Variants in OGDH observed in about 807,000 individuals in gnomAD.
OGDH encodes oxoglutarate dehydrogenase.
Under a neutral mutation model 116.6 loss-of-function variants are expected in OGDH, and 38 were observed. That is an observed-to-expected ratio of 0.33 (90% CI 0.25 to 0.43). The LOEUF (loss-of-function observed/expected upper bound fraction) is 0.43, where lower values mean the gene tolerates loss of function less well. Ranked by LOEUF, OGDH falls within the 20% of genes least tolerant of loss-of-function variation. The pLI is 1.00. For synonymous variants in OGDH, 488 were observed against 533.3 expected (o/e 0.92, Z 1.17); for missense variants, 825 against 1,357.2 (o/e 0.61, Z 6.16).
chr7:44,696,303 C>T, intron 13 of OGDH, 126 bp from the exon 14 acceptor site: 1 of 1,273,860 alleles, frequency 7.9e-7, no homozygotes, highest in South Asian at 1.4e-5. Flanking sequence ...TTAATGTTTT[C>T]TGGGGAACAC....
At chr7:44,676,418 G>C in intron 9 of OGDH, 1 of 598,392 alleles carries the variant, frequency 1.7e-6, no homozygotes, top group Admixed American at 3.3e-5. Context: ...AGCTGGGCGT[G>C]GTGGCGCGCG....
chr7:44,656,278 C>T, intron 4 of OGDH: 2 of 1,533,770 alleles, frequency 1.3e-6, no homozygotes, highest in South Asian at 1.2e-5. Context: ...CTGTCTTTTT[C>T]CTTCTGCGCT....
At chr7:44,680,705 A>C (rs1787894264) in intron 9 of OGDH, among the ~76,000 whole-genome samples, 1 of 152,184 alleles carries the variant, frequency 6.6e-6, no homozygotes, top group Admixed American at 6.5e-5. Context: ...CCCATCCTCT[A>C]CTGGAGGAAG....
At chr7:44,643,892 C>T (rs1038031452) in intron 2 of OGDH, among the ~76,000 whole-genome samples, 7 of 152,140 alleles carry the variant, frequency 4.6e-5, no homozygotes, top group Non-Finnish European at 8.8e-5. Flanking sequence ...AAAAGAAAAA[C>T]AATGTTTCTA....
At chr7:44,684,542 A>C (rs1021322684) in intron 10 of OGDH, among the ~76,000 whole-genome samples, 1 of 152,182 alleles carries the variant, frequency 6.6e-6, no homozygotes, top group Non-Finnish European at 1.5e-5. Context: ...CAGATGCTGA[A>C]TTAGGTACTT....
rs116158773 is a variant in OGDH, at chr7:44,617,980, A to G, written c.-27-6337A>G. On this transcript the variant is annotated intron_variant, in intron 1 of 22. Transcript: ENST00000222673. The stretch of plus-strand genomic sequence containing the variant: ...GGGTACCTCCTACCCAACTGGGGAA[A>G]TTCGAGGCATAGACCTCGAAGGCTT... Among the ~76,000 whole-genome samples, 698 of 152,268 alleles carry G rather than the reference A, an allele frequency of 4.6e-3. 6 individuals are homozygous for G. The highest frequency in any genetic ancestry group is 0.016 in the African/African-American group (652 of 41,544).
intron 5 of OGDH, among the ~76,000 whole-genome samples, chr7:44,672,075 AAATAAATT>A (rs1186491158): frequency 2.0e-5 from 3 of 152,082 alleles, no homozygotes; most frequent in African/African-American, 4.8e-5. Context: ...TCTCAAAAAT[AAATAAATT>A]AATTAATTAA....
At chr7:44,642,837 G>A (rs1786007225) in intron 2 of OGDH, among the ~76,000 whole-genome samples, 1 of 151,384 alleles carries the variant, frequency 6.6e-6, no homozygotes, top group Non-Finnish European at 1.5e-5. Flanking sequence ...CAGGAGAATC[G>A]CTTGAACCCA....
Position 44,707,380 on chromosome 7 carries a change from A to C in OGDH, c.2788A>C (p.Ile930Leu). 6.2e-7 allele frequency: 1 copy of C among 1,614,182 alleles called. No homozygotes were observed. Among genetic ancestry groups the C allele is most frequent in the Non-Finnish European group, 8.5e-7 (1 of 1,180,026 alleles). Residue 930 changes from isoleucine (I) to leucine (L), a missense_variant, in exon 21 of 23, where the codon ATT becomes CTT. Ile to Leu is a conservative substitution (Grantham distance 5). Coordinates refer to ENST00000222673, the MANE Select transcript of OGDH (RefSeq NM_002541.4). This position sits in a 1 kb window ranked among gnomAD's most constrained non-coding sequence, Gnocchi z 5.2. Reference sequence around the variant, plus strand: ...GGTGGGGCAGGTGGCCATCACAAGGATTGAGCAGGTGAGGGCAGGTGGTGC... The same window carrying C: ...GGTGGGGCAGGTGGCCATCACAAGGCTTGAGCAGGTGAGGGCAGGTGGTGC... The part of the protein sequence containing the change: ...DMVGQVAITR[I>L]EQLSPFPFDL...
Position 44,707,805 on chromosome 7 carries a change from C to A in OGDH, c.2951+69C>A. ...TCAGGCCAGTAGGCAGTTAGCCAGG[C>A]ACATGCAGCAGAGGGATGGGCTGGG... On this transcript the variant is annotated intron_variant, in intron 22 of 22. Coordinates refer to ENST00000222673, the MANE Select transcript of OGDH (RefSeq NM_002541.4). This position sits in a 1 kb window ranked among gnomAD's most constrained non-coding sequence, Gnocchi z 5.2. 6.2e-7 allele frequency: 1 copy of A among 1,609,754 alleles called. No homozygotes were observed. The highest frequency in any genetic ancestry group is 8.5e-7 in the Non-Finnish European group (1 of 1,177,488).
At chr7:44,632,459 T>A (rs1785481984) in intron 2 of OGDH, among the ~76,000 whole-genome samples, 2 of 152,192 alleles carry the variant, frequency 1.3e-5, no homozygotes, top group South Asian at 4.1e-4. Context: ...CACACCACCA[T>A]GCCTGACTAA....
rs752101895 is a variant in OGDH at position 44,675,282 on chromosome 7, A to G, written c.1026+14A>G. 1.2e-6 allele frequency: 2 copies of G among 1,605,740 alleles called. No homozygotes were observed. Among genetic ancestry groups the G allele is most frequent in the Non-Finnish European group, 1.7e-6 (2 of 1,172,730 alleles). On this transcript the variant is annotated intron_variant, in intron 8 of 22. Transcript: ENST00000222673. ...GCAGCTGATGAGGTGAGGCACCTGC[A>G]TAGAGACACATCCAGCATAGCCCCA...
chr7:44,699,425 C>CA (rs59695480), intron 18 of OGDH, among the ~76,000 whole-genome samples: 2,803 of 64,648 alleles, frequency 0.043, 97 homozygotes, highest in Middle Eastern at 0.093. Context: ...ACTCCTGTCT[C>CA]AAAAAAAAAA....
At chr7:44,633,252 C>T (rs1363911013) in intron 2 of OGDH, among the ~76,000 whole-genome samples, 1 of 81,690 alleles carries the variant, frequency 1.2e-5, no homozygotes, top group African/African-American at 5.0e-5. Flanking sequence ...GACTCTGTGT[C>T]AAAAAAAAAA....
At chr7:44,644,005 G>A (rs1022947965) in intron 2 of OGDH, among the ~76,000 whole-genome samples, 1 of 152,186 alleles carries the variant, frequency 6.6e-6, no homozygotes. Context: ...TCAAGAGTTT[G>A]AGACCAGCCT....
intron 1 of OGDH, among the ~76,000 whole-genome samples, chr7:44,620,553 C>T (rs918162026): frequency 6.6e-5 from 10 of 152,350 alleles, no homozygotes; most frequent in African/African-American, 2.2e-4. Flanking sequence ...ACGTGGAACT[C>T]TAGTTGTCCC....
intron 2 of OGDH, among the ~76,000 whole-genome samples, chr7:44,636,547 A>G (rs965475074): frequency 4.6e-5 from 7 of 152,256 alleles, no homozygotes; most frequent in Non-Finnish European, 8.8e-5. Context: ...TCCCTCAGAA[A>G]GGAGGCTGAA....
chr7:44,622,311 A>G (rs1190719266), intron 1 of OGDH, among the ~76,000 whole-genome samples: 1 of 152,186 alleles, frequency 6.6e-6, no homozygotes, highest in African/African-American at 2.4e-5. Context: ...CTTGGAGTGT[A>G]GTTGGAGGTA....
At chr7:44,684,174 A>G (rs1342495348) in intron 10 of OGDH, among the ~76,000 whole-genome samples, 1 of 152,124 alleles carries the variant, frequency 6.6e-6, no homozygotes, top group East Asian at 1.9e-4. Flanking sequence ...ATCGCAGCTC[A>G]TCGTTAGTGC....
Sources: gnomAD v4.1 joint callset for allele counts (sites outside exome capture counted in the v4.1 genomes callset) on GRCh38, gnomAD v4.1.1 for gene constraint, Gnocchi (gnomAD v3.1) non-coding constraint, MANE v1.5 for transcripts, NCBI Gene and HGNC (gene_info 2026-07-23, HGNC 2026-07-21) for gene names.